POMT1: variants seen among roughly 807,000 people sequenced by gnomAD.
POMT1 encodes the protein protein O-mannosyl-transferase 1.
POMT1 carries 85 observed loss-of-function variants against 101.6 expected under a neutral mutation model. That is an observed-to-expected ratio of 0.84 (90% confidence interval 0.70 to 1.00). The LOEUF (loss-of-function observed/expected upper bound fraction) is 1.00. POMT1 is among the 50% of genes least tolerant of loss of function. The probability of loss-of-function intolerance (pLI) is 0.00; values close to 1 mark genes in which losing one functional copy is unlikely to be tolerated. For synonymous variants in POMT1, 371 were observed against 383.0 expected (o/e 0.97, Z 0.37); for missense variants, 857 against 930.4 (o/e 0.92, Z 1.03).
At chr9:131,507,269 G>GTCTGT (rs1946060620) in intron 4 of POMT1, 99 bp from the exon 5 acceptor site, 1 of 1,577,084 alleles carries the variant, frequency 6.3e-7, no homozygotes, top group African/African-American at 1.3e-5. Flanking sequence ...GCATTTTAGA[G>GTCTGT]TCTGTGAACA....
chr9:131,513,872 TCA>T (rs1417047080), intron 12 of POMT1, among the ~76,000 whole-genome samples: 3 of 152,206 alleles, frequency 2.0e-5, no homozygotes, highest in Non-Finnish European at 4.4e-5. Context: ...TCTGTTGCTC[TCA>T]GTCTCTGAGG....
Position 131,503,547 on chromosome 9 carries a change from G to C in POMT1, c.-31+474G>C, listed in dbSNP as rs1036151245. Among the ~76,000 whole-genome samples, 4 of 152,248 alleles carry C rather than the reference G, an allele frequency of 2.6e-5. No homozygotes were observed. The highest frequency in any genetic ancestry group is 6.5e-5 in the Admixed American group (1 of 15,292). ...GAGACCAGCGGGGCGCCAACGGCCA[G>C]ATGCGGCTTTGGTGTGAGACAGGGT... On this transcript the variant is annotated intron_variant, in intron 1 of 19. Transcript: ENST00000402686. This position sits in a 1 kb window ranked among gnomAD's most constrained non-coding sequence, Gnocchi z 4.4.
rs914045602 is a variant in POMT1 at position 131,503,185 on chromosome 9, C to T, written c.-31+112C>T. The T allele has an allele frequency of 3.9e-5, 6 of 152,282 alleles. No homozygotes were observed. Among genetic ancestry groups the T allele is most frequent in the African/African-American group, 1.4e-4 (6 of 41,460 alleles). The allele number at this position is 152,282 out of a possible 1,614,324, so 9.4% of individuals were successfully genotyped here. Reference sequence around the variant, plus strand: ...GGGCTGGGGCCGGGGGCGTCCCCGTCTTTCCGGAGCTGGGGGCGGGGTTCG... The same window carrying T: ...GGGCTGGGGCCGGGGGCGTCCCCGTTTTTCCGGAGCTGGGGGCGGGGTTCG... On this transcript the variant is annotated intron_variant, in intron 1 of 19. Transcript: ENST00000402686. This position sits in a 1 kb window ranked among gnomAD's most constrained non-coding sequence, Gnocchi z 4.4.
intron 13 of POMT1, 117 bp downstream of exon 13, chr9:131,515,639 C>T: frequency 1.1e-6 from 1 of 932,038 alleles, no homozygotes; most frequent in Non-Finnish European, 1.7e-6. Flanking sequence ...CAGAACACTT[C>T]ATCACACGGA....
At position 131,509,771 on chromosome 9, in the gene POMT1, C is replaced by T. The variant is rs752931210; in HGVS notation, c.568C>T (p.Leu190=). The change falls in exon 7 of 20, where the codon CTA becomes TTA. Residue 190 remains leucine (L), a synonymous_variant. Transcript: ENST00000402686. ...SPFSLSWWFW[L]TLTGVACSCA... ...TTTTTCTCTGAGCTGGTGGTTCTGG[C>T]TAACACTGACAGGGGTCGCTTGTTC... is the stretch of plus-strand genomic sequence containing the variant. 259 of 1,614,114 alleles carry T rather than the reference C, an allele frequency of 1.6e-4. No homozygotes were observed. Among genetic ancestry groups the T allele is most frequent in the Non-Finnish European group, 2.1e-4 (248 of 1,180,044 alleles).
intron 12 of POMT1, 34 bp downstream of exon 12, chr9:131,513,365 G>A: frequency 6.3e-7 from 1 of 1,585,038 alleles, no homozygotes; most frequent in Non-Finnish European, 8.6e-7. Context: ...TGCTGCACCT[G>A]TGGGTTTCCT....
Position 131,515,485 on chromosome 9 carries a change from A to G in POMT1, c.1235A>G (p.Tyr412Cys), listed in dbSNP as rs1295230172. 3.1e-6 allele frequency: 5 copies of G among 1,614,208 alleles called. No homozygotes were observed. The highest frequency in any genetic ancestry group is 1.3e-5 in the African/African-American group (1 of 75,048). The change falls in exon 13 of 20, where the codon TAT becomes TGT. Residue 412 changes from tyrosine to cysteine, a missense_variant. Tyr to Cys is a radical substitution (Grantham distance 194). Coordinates refer to ENST00000402686, the MANE Select transcript of POMT1 (RefSeq NM_001077365.2). ...CAGGAGGTCTCCTGCTACATTGACT[A>G]TAACATCTCCATGCCCGCCCAGAAC... is the stretch of plus-strand genomic sequence containing the variant. ...HSQEVSCYIDYNISMPAQNLW... is the reference protein window; with the variant it reads ...HSQEVSCYIDCNISMPAQNLW...
At chr9:131,510,623 C>A in intron 9 of POMT1, 1 of 669,806 alleles carries the variant, frequency 1.5e-6, no homozygotes, top group Non-Finnish European at 2.5e-6. Flanking sequence ...CCTACCTCAG[C>A]CTCCCAAGTA....
chr9:131,507,361 T>C lies in POMT1; in HGVS notation c.281-7T>C. 1 of 1,614,120 alleles carries C rather than the reference T, an allele frequency of 6.2e-7. No homozygotes were observed. Among genetic ancestry groups the C allele is most frequent in the Non-Finnish European group, 8.5e-7 (1 of 1,180,034 alleles). Reference sequence around the variant, plus strand: ...TAGTCAGCTCTGCAGTGTGGTTGCTTTTCCAGAATACAGTAGCAACGTGCC... The same window carrying C: ...TAGTCAGCTCTGCAGTGTGGTTGCTCTTCCAGAATACAGTAGCAACGTGCC... On this transcript the variant is annotated splice_polypyrimidine_tract_variant and splice_region_variant and intron_variant, in intron 4 of 19. Transcript: ENST00000402686.
chr9:131,506,854 G>A (rs1371998353), intron 4 of POMT1: 1 of 292,676 alleles, frequency 3.4e-6, no homozygotes, highest in Non-Finnish European at 6.6e-6. Context: ...GGATCATGAG[G>A]TCAGGAGATC....
intron 18 of POMT1, among the ~76,000 whole-genome samples, 191 bp from the exon 19 acceptor site, chr9:131,521,856 G>C (rs1949993920): frequency 6.6e-6 from 1 of 152,216 alleles, no homozygotes; most frequent in African/African-American, 2.4e-5. Context: ...AGGCAGCCAG[G>C]CCGGGCGCGG....
chr9:131,510,795 C>T (rs183929953), intron 9 of POMT1: 148 of 344,126 alleles, frequency 4.3e-4, no homozygotes, highest in African/African-American at 2.5e-3. Flanking sequence ...CGTGAGCCAC[C>T]GCGCCTGGCA....
chr9:131,514,330 C>G (rs1439688299), intron 12 of POMT1, among the ~76,000 whole-genome samples: 1 of 152,240 alleles, frequency 6.6e-6, no homozygotes, highest in Non-Finnish European at 1.5e-5. Context: ...CTGGCTCCCC[C>G]CAGCCCTGAA....
intron 12 of POMT1, 70 bp from the exon 13 acceptor site, chr9:131,515,356 T>C: frequency 1.3e-6 from 2 of 1,498,928 alleles, no homozygotes; most frequent in South Asian, 2.3e-5. Context: ...TTTTCCTGCC[T>C]GAAAGATTTA....
intron 10 of POMT1, 113 bp from the exon 11 acceptor site, chr9:131,511,925 GGTC>G: frequency 2.0e-6 from 2 of 984,700 alleles, no homozygotes. Flanking sequence ...TGCCCAGGCT[GGTC>G]TCAAACTCCT....
intron 11 of POMT1, among the ~76,000 whole-genome samples, chr9:131,512,816 T>A (rs1947414296): frequency 6.6e-6 from 1 of 152,174 alleles, no homozygotes; most frequent in African/African-American, 2.4e-5. Flanking sequence ...TTCACCATGT[T>A]GGCCAGGCTG....
intron 11 of POMT1, among the ~76,000 whole-genome samples, chr9:131,512,835 C>T (rs1305259989): frequency 6.6e-6 from 1 of 152,194 alleles, no homozygotes; most frequent in Non-Finnish European, 1.5e-5. Flanking sequence ...TGGTCTTGAA[C>T]TCCTGACATC....
chr9:131,522,910 C>A lies in POMT1; in HGVS notation c.2004-22C>A, dbSNP rs368972982. ...GCCGCAGTGGTCAGCCACCCTCCCC[C>A]ACGCTGCTCTGACCTCTGCAGGTCC... On this transcript the variant is annotated intron_variant, in intron 19 of 19. Transcript: ENST00000402686. The surrounding 1 kb of genome is among the most constrained non-coding windows in gnomAD (Gnocchi z 5.5). The A allele has an allele frequency of 5.1e-6, 8 of 1,568,312 alleles. No individual in the cohort carries two copies. In the African/African-American group the frequency reaches 5.4e-5, roughly 11 times the overall value.
In POMT1 at chr9:131,519,529, T is replaced by C; in HGVS notation, c.1584+43T>C. The C allele has an allele frequency of 6.5e-7, 1 of 1,535,582 alleles. No individual in the cohort carries two copies. Among genetic ancestry groups the C allele is most frequent in the East Asian group, 2.4e-5 (1 of 40,866 alleles). ...GAAGCTGGCCTAGCTCGCTGAGCAT[T>C]GACTCCTCAGCAGGGAGGCCTGGGG... On this transcript the variant is annotated intron_variant, in intron 16 of 19. Coordinates refer to ENST00000402686, the MANE Select transcript of POMT1 (RefSeq NM_001077365.2). The surrounding 1 kb of genome is among the most constrained non-coding windows in gnomAD (Gnocchi z 4.3).
Sources: allele counts gnomAD v4.1 joint callset (sites outside exome capture counted in the v4.1 genomes callset), GRCh38; gene constraint gnomAD v4.1.1; non-coding constraint Gnocchi (gnomAD v3.1); transcripts MANE v1.5; gene names NCBI Gene and HGNC (gene_info 2026-07-23, HGNC 2026-07-21).